The following CDC42SE2 variants were observed in gnomAD, a reference collection of about 807,000 sequenced individuals.
The protein encoded by CDC42SE2 is CDC42 small effector protein 2.
Under a neutral mutation model 11.5 loss-of-function variants are expected in CDC42SE2, and 3 were observed. The ratio of observed to expected loss-of-function variants is 0.26; its 90% CI spans 0.12 to 0.67. CDC42SE2 has a LOEUF of 0.67. CDC42SE2 is among the 30% of genes least tolerant of loss of function. The pLI is 0.80. For synonymous variants in CDC42SE2, 33 were observed against 34.8 expected (o/e 0.95, Z 0.18); for missense variants, 82 against 106.8 (o/e 0.77, Z 1.02).
chr5:131,359,601 T>C, intron 3 of CDC42SE2, 54 bp downstream of exon 3: 1 of 1,309,788 alleles, frequency 7.6e-7, no homozygotes, highest in East Asian at 2.3e-5. Context: ...AACTTTCCAC[T>C]GGTTCTCAAA....
chr5:131,344,667 G>A (rs368410379), intron 2 of CDC42SE2, among the ~76,000 whole-genome samples: 8 of 152,188 alleles, frequency 5.3e-5, no homozygotes, highest in East Asian at 1.9e-4. Context: ...CTCCCAGCAC[G>A]GAGTTTCAGA....
intron 2 of CDC42SE2, among the ~76,000 whole-genome samples, chr5:131,330,044 C>A (rs1175872782): frequency 6.6e-6 from 1 of 151,910 alleles, no homozygotes; most frequent in Non-Finnish European, 1.5e-5. Context: ...CAAGTCTTGG[C>A]AATTCTTCTC....
At chr5:131,226,115 G>C in the CDC42SE2 span, among the ~76,000 whole-genome samples, 8 of 152,200 alleles carry the variant, frequency 5.3e-5, no homozygotes, top group African/African-American at 1.9e-4. Context: ...AATTGCCAAA[G>C]ACAGGATGGG....
the CDC42SE2 span, among the ~76,000 whole-genome samples, chr5:131,225,968 A>G: frequency 6.6e-6 from 1 of 152,258 alleles, no homozygotes; most frequent in African/African-American, 2.4e-5. Context: ...TTATGGGTAC[A>G]TGAAGCAGAG....
intron 2 of CDC42SE2, among the ~76,000 whole-genome samples, chr5:131,323,392 A>G (rs1250091179): frequency 6.6e-6 from 1 of 151,908 alleles, no homozygotes; most frequent in Non-Finnish European, 1.5e-5. Context: ...TTATGAAGTT[A>G]TGAAGTACAT....
intron 2 of CDC42SE2, among the ~76,000 whole-genome samples, chr5:131,320,056 A>G (rs963248352): frequency 8.9e-6 from 1 of 112,698 alleles, no homozygotes; most frequent in Non-Finnish European, 1.7e-5. Flanking sequence ...GTCTTAAAGA[A>G]AAAAAAAAAA....
At chr5:131,231,684 C>T in the CDC42SE2 span, among the ~76,000 whole-genome samples, 1 of 152,150 alleles carries the variant, frequency 6.6e-6, no homozygotes, top group Admixed American at 6.5e-5. Context: ...TTTATTACTA[C>T]CAGTCTTACC....
intron 3 of CDC42SE2, among the ~76,000 whole-genome samples, chr5:131,376,248 CAAAA>C (rs760294077): frequency 6.7e-5 from 10 of 149,390 alleles, no homozygotes; most frequent in East Asian, 1.9e-4. Context: ...AAAAAAAAAA[CAAAA>C]AACCTTTATT....
intron 1 of CDC42SE2, chr5:131,255,071 A>C (rs958057337): frequency 6.6e-6 from 1 of 152,188 alleles, no homozygotes; most frequent in African/African-American, 2.4e-5. Context: ...ATTATCGCTT[A>C]TCATTTATTT....
At chr5:131,356,012 A>C (rs148371909) in intron 2 of CDC42SE2, among the ~76,000 whole-genome samples, 1 of 152,216 alleles carries the variant, frequency 6.6e-6, no homozygotes. Flanking sequence ...GAAGCTCACT[A>C]GCTAAGTCGC....
chr5:131,302,740 A>G (rs1433468578), intron 1 of CDC42SE2, among the ~76,000 whole-genome samples: 1 of 152,032 alleles, frequency 6.6e-6, no homozygotes, highest in Non-Finnish European at 1.5e-5. Flanking sequence ...ATATACCTTT[A>G]TAAGAAAGTT....
intron 2 of CDC42SE2, among the ~76,000 whole-genome samples, chr5:131,325,409 G>C (rs1758274707): frequency 6.6e-6 from 1 of 151,294 alleles, no homozygotes; most frequent in Admixed American, 6.6e-5. Flanking sequence ...TTTAAAAGCA[G>C]CTTACCAGCT....
intron 1 of CDC42SE2, among the ~76,000 whole-genome samples, chr5:131,279,508 A>C (rs1332844320): frequency 1.6e-5 from 2 of 123,756 alleles, no homozygotes; most frequent in Non-Finnish European, 3.2e-5. Context: ...ATTTTTTTTA[A>C]CTTTTTTTTC....
At chr5:131,212,328 G>A in the CDC42SE2 span, among the ~76,000 whole-genome samples, 1,553 of 152,174 alleles carry the variant, frequency 0.01, 17 homozygotes, top group African/African-American at 0.035. Context: ...GGCTGGTCTC[G>A]AACTCCTGAC....
chr5:131,357,714 A>G (rs945955155), intron 2 of CDC42SE2, among the ~76,000 whole-genome samples: 1 of 152,160 alleles, frequency 6.6e-6, no homozygotes, highest in African/African-American at 2.4e-5. Context: ...AGGAAGGCTC[A>G]TTTTCTTCAT....
chr5:131,267,242 A>AC, intron 1 of CDC42SE2, among the ~76,000 whole-genome samples: 1 of 151,866 alleles, frequency 6.6e-6, no homozygotes, highest in South Asian at 2.1e-4. Flanking sequence ...TTTAGTAGAG[A>AC]CAGGGTTTCA....
chr5:131,219,720 T>G, the CDC42SE2 span, among the ~76,000 whole-genome samples: 1 of 152,188 alleles, frequency 6.6e-6, no homozygotes, highest in Non-Finnish European at 1.5e-5. Context: ...CCAAATCGCT[T>G]GAGCTCAGGA....
intron 1 of CDC42SE2, among the ~76,000 whole-genome samples, chr5:131,268,754 CTTTTTTTTTTTT>C (rs11370516): frequency 5.2e-5 from 5 of 96,892 alleles, no homozygotes; most frequent in Non-Finnish European, 9.4e-5. Flanking sequence ...ACCCGGATTG[CTTTTTTTTTTTT>C]TTTTTTTTTG....
At chr5:131,381,254 G>A (rs1013518772) in intron 3 of CDC42SE2, among the ~76,000 whole-genome samples, 6 of 151,916 alleles carry the variant, frequency 3.9e-5, no homozygotes, top group Non-Finnish European at 8.8e-5. Flanking sequence ...TGAAGTCTGT[G>A]CATATTTCTT....
Sources: allele counts gnomAD v4.1 joint callset (sites outside exome capture counted in the v4.1 genomes callset), GRCh38; gene constraint gnomAD v4.1.1; transcripts MANE v1.5; gene names NCBI Gene and HGNC (gene_info 2026-07-23, HGNC 2026-07-21).